LPP: variants seen among roughly 807,000 people sequenced by gnomAD.
The protein encoded by LPP is LIM domain containing preferred translocation partner in lipoma.
A neutral mutation model predicts 60.4 loss-of-function variants in LPP; 38 were observed. The ratio of observed to expected loss-of-function variants is 0.63; its 90% confidence interval spans 0.49 to 0.83. The LOEUF (loss-of-function observed/expected upper bound fraction) is 0.83. Ranked by LOEUF, LPP falls within the 40% of genes least tolerant of loss-of-function variation. LPP has a pLI of 0.00. For missense variants in LPP, 902 were observed against 783.6 expected, an observed-to-expected ratio of 1.15 and a Z score of -1.80; for synonymous variants, 328 against 290.8, an observed-to-expected ratio of 1.13 and a Z score of -1.30.
chr3:188,381,172 T>C (rs1776777850), intron 3 of LPP, among the ~76,000 whole-genome samples: 1 of 144,764 alleles, frequency 6.9e-6, no homozygotes, highest in African/African-American at 2.5e-5. Context: ...ACATAGCTGT[T>C]AACGTGTGAC....
intron 5 of LPP, among the ~76,000 whole-genome samples, chr3:188,515,283 C>G (rs1291611034): frequency 1.3e-5 from 2 of 152,134 alleles, no homozygotes; most frequent in Non-Finnish European, 2.9e-5. Flanking sequence ...TGTGGTACCT[C>G]TCCCCAAGCC....
At chr3:188,447,014 T>C (rs190917644) in intron 4 of LPP, among the ~76,000 whole-genome samples, 7 of 152,288 alleles carry the variant, frequency 4.6e-5, no homozygotes, top group Admixed American at 2.0e-4. Flanking sequence ...TTTTGAAGTG[T>C]ATGGGCTTCA....
intron 8 of LPP, among the ~76,000 whole-genome samples, chr3:188,744,099 C>T (rs1466782241): frequency 6.6e-6 from 1 of 152,136 alleles, no homozygotes; most frequent in Non-Finnish European, 1.5e-5. Flanking sequence ...TACGCACAAA[C>T]ATACACTTCC....
Position 188,887,343 on chromosome 3 carries a change from G to A in LPP, c.*12864G>A, listed in dbSNP as rs1012223028. ...TCTCTCTCTTTCTCTTTGGGTGACA[G>A]CAATGCTCACTTAGTAATTATAAAC... On this transcript the variant is annotated 3_prime_UTR_variant, in exon 12 of 12. Transcript: ENST00000617246. 3 of 216,596 alleles carry A rather than the reference G, an allele frequency of 1.4e-5. No homozygotes were observed. Among genetic ancestry groups the A allele is most frequent in the Admixed American group, 1.2e-4 (2 of 17,216 alleles). The allele number at this position is 216,596 out of a possible 1,614,324, so 13.4% of individuals were successfully genotyped here.
At chr3:188,733,690 T>G (rs1228360814) in intron 8 of LPP, among the ~76,000 whole-genome samples, 1 of 152,216 alleles carries the variant, frequency 6.6e-6, no homozygotes, top group Non-Finnish European at 1.5e-5. Flanking sequence ...TCCAAACACT[T>G]TACCAAATTC....
In LPP at chr3:188,484,666, C is replaced by A. The variant is rs756136054; in HGVS notation, c.268C>A (p.Pro90Thr). The A allele has an allele frequency of 3.1e-6, 5 of 1,613,732 alleles. No individual in the cohort carries two copies. Among genetic ancestry groups the A allele is most frequent in the Non-Finnish European group, 4.2e-6 (5 of 1,179,698 alleles). ...ALPSISGNFP[P>T]PPPLDEEAFK... ...TCCATCTATCTCTGGAAACTTTCCT[C>A]CTCCACCACCTCTTGATGAAGAGGC... Residue 90 changes from proline to threonine, a missense_variant, in exon 5 of 12, where the codon CCT becomes ACT. Coordinates refer to ENST00000617246, the MANE Select transcript of LPP (RefSeq NM_001375462.1).
At chr3:188,719,948 C>T (rs1001985689) in intron 8 of LPP, among the ~76,000 whole-genome samples, 7 of 152,226 alleles carry the variant, frequency 4.6e-5, no homozygotes, top group African/African-American at 1.4e-4. Flanking sequence ...AGTCTTGCTC[C>T]GTCGCCCAGG....
rs977207711 is a variant in LPP at position 188,861,113 on chromosome 3, G to A, written c.1411-5087G>A. ...TGCCCTTCAGCCAGAAGTGATTTTG[G>A]GCTCTTTAATATGTGCTTTTTTTGA... On this transcript the variant is annotated intron_variant, in intron 9 of 11. Coordinates refer to ENST00000617246, the MANE Select transcript of LPP (RefSeq NM_001375462.1). Among the ~76,000 whole-genome samples, 3 of 152,262 alleles carry A rather than the reference G, an allele frequency of 2.0e-5. No individual in the cohort carries two copies. In the South Asian group the frequency reaches 6.2e-4, roughly 32 times the overall value.
intron 5 of LPP, among the ~76,000 whole-genome samples, chr3:188,494,856 G>A (rs551070817): frequency 6.3e-4 from 95 of 151,672 alleles, no homozygotes; most frequent in Non-Finnish European, 1.2e-3. Flanking sequence ...TGATTGTTGT[G>A]AGGTTTCAAA....
intron 2 of LPP, among the ~76,000 whole-genome samples, chr3:188,260,487 T>A (rs1375308579): frequency 6.6e-6 from 1 of 151,704 alleles, no homozygotes; most frequent in Non-Finnish European, 1.5e-5. Context: ...AAGTGGGCTG[T>A]TTATTATTAT....
intron 4 of LPP, among the ~76,000 whole-genome samples, chr3:188,464,012 A>C (rs189154898): frequency 2.7e-3 from 416 of 152,304 alleles, no homozygotes; most frequent in African/African-American, 9.8e-3. Context: ...TCGACTCAAT[A>C]CAGTATTGGA....
intron 4 of LPP, among the ~76,000 whole-genome samples, chr3:188,439,773 G>A (rs973125097): frequency 3.3e-5 from 5 of 152,138 alleles, no homozygotes; most frequent in Admixed American, 6.5e-5. Context: ...AGCTGCCCTT[G>A]GGAACCTTCT....
intron 5 of LPP, among the ~76,000 whole-genome samples, chr3:188,500,933 T>C (rs1473479818): frequency 6.6e-6 from 1 of 152,068 alleles, no homozygotes; most frequent in African/African-American, 2.4e-5. Flanking sequence ...GTCTTCTCTC[T>C]CTGTCTCTCT....
intron 6 of LPP, among the ~76,000 whole-genome samples, chr3:188,525,454 C>T (rs79312640): frequency 0.012 from 1,855 of 152,276 alleles, 38 homozygotes; most frequent in African/African-American, 0.042. Context: ...CCTTGCTCTT[C>T]TTACAGCTTT....
intron 9 of LPP, among the ~76,000 whole-genome samples, chr3:188,787,116 C>T (rs1356966355): frequency 1.3e-5 from 2 of 152,102 alleles, no homozygotes; most frequent in African/African-American, 2.4e-5. Context: ...CACATATATA[C>T]AGACAAGTGG....
chr3:188,221,975 C>T (rs1715943489), intron 1 of LPP, among the ~76,000 whole-genome samples: 1 of 152,070 alleles, frequency 6.6e-6, no homozygotes, highest in Non-Finnish European at 1.5e-5. Context: ...CTGGCTTTAC[C>T]ACTTACTAGC....
At chr3:188,260,775 G>A (rs1030077036) in intron 2 of LPP, among the ~76,000 whole-genome samples, 2 of 152,146 alleles carry the variant, frequency 1.3e-5, no homozygotes, top group African/African-American at 2.4e-5. Flanking sequence ...GTTCACGCCT[G>A]TAATCCCAGC....
chr3:188,661,304 C>T (rs1854524083), intron 7 of LPP, among the ~76,000 whole-genome samples: 1 of 152,194 alleles, frequency 6.6e-6, no homozygotes, highest in African/African-American at 2.4e-5. Flanking sequence ...TAAACATCCA[C>T]GTGCTGGTTT....
intron 1 of LPP, among the ~76,000 whole-genome samples, chr3:188,191,914 A>C (rs1184600974): frequency 6.6e-6 from 1 of 152,222 alleles, no homozygotes; most frequent in East Asian, 1.9e-4. Context: ...GTATTGAAAT[A>C]ACTCTAGGTC....
Sources: gnomAD v4.1 joint callset for allele counts (sites outside exome capture counted in the v4.1 genomes callset) on GRCh38, gnomAD v4.1.1 for gene constraint, MANE v1.5 for transcripts, NCBI Gene and HGNC (gene_info 2026-07-23, HGNC 2026-07-21) for gene names.